The following RNGTT variants were observed in gnomAD, a reference collection of about 807,000 sequenced individuals.
RNGTT encodes the protein mRNA-capping enzyme.
A neutral mutation model predicts 79.3 loss-of-function variants in RNGTT; 33 were observed. The ratio of observed to expected loss-of-function variants is 0.42; its 90% CI spans 0.32 to 0.56. The LOEUF (loss-of-function observed/expected upper bound fraction) is 0.56, where lower values mean the gene tolerates loss of function less well. Among genes scored for constraint, RNGTT ranks in the 20% least tolerant of loss-of-function variants. The pLI is 0.17. For synonymous variants in RNGTT, 222 were observed against 235.9 expected (o/e 0.94, Z 0.54); for missense variants, 497 against 739.1 (o/e 0.67, Z 3.80).
In RNGTT at chr6:88,925,542, G is replaced by A. The variant is rs192430034; in HGVS notation, c.367+3443C>T. Among the ~76,000 whole-genome samples the A allele has an allele frequency of 2.5e-3, 380 of 149,508 alleles. 3 individuals are homozygous for A. The highest frequency in any genetic ancestry group is 0.01 in the Middle Eastern group (3 of 288). On this transcript the variant is annotated intron_variant, in intron 4 of 15. Transcript: ENST00000369485. ...CTGCAGACAGAGGTTGCAGTGAGCC[G>A]AAGTCACACCACTGCACTCTAGCCT...
In RNGTT at chr6:88,666,660, G is replaced by C. The variant is rs191442600; in HGVS notation, c.1506+11693C>G. ...TGGACTAAGTTTATTCTAGCAGACC[G>C]GACCTCCGGGACAAACCTTGGATGT... On this transcript the variant is annotated intron_variant, in intron 14 of 15. Transcript: ENST00000369485. Among the ~76,000 whole-genome samples, 294 of 152,320 alleles carry C rather than the reference G, an allele frequency of 1.9e-3. 4 individuals are homozygous for C. Among genetic ancestry groups the C allele is most frequent in the African/African-American group, 6.9e-3 (288 of 41,566 alleles).
chr6:88,891,975 C>A, intron 6 of RNGTT, 60 bp from the exon 7 acceptor site: 2 of 1,147,402 alleles, frequency 1.7e-6, no homozygotes, highest in South Asian at 1.6e-5. Context: ...AGTTCAAATT[C>A]ATTTACAAAG....
chr6:88,800,459 A>C (rs549095163), intron 12 of RNGTT, among the ~76,000 whole-genome samples: 2 of 152,294 alleles, frequency 1.3e-5, no homozygotes, highest in East Asian at 3.9e-4. Context: ...GACCCCAGGC[A>C]CCCAGTCTGA....
chr6:88,718,315 AGGTGGAGG>A (rs1469454169), intron 13 of RNGTT, among the ~76,000 whole-genome samples: 2 of 151,102 alleles, frequency 1.3e-5, no homozygotes, highest in African/African-American at 4.9e-5. Flanking sequence ...TGAACCCAGG[AGGTGGAGG>A]TTATAGTGAG....
At chr6:88,937,129 G>A (rs1443187435) in intron 2 of RNGTT, among the ~76,000 whole-genome samples, 1 of 152,048 alleles carries the variant, frequency 6.6e-6, no homozygotes, top group African/African-American at 2.4e-5. Context: ...GATCACGTGA[G>A]GTCAGGAGTT....
chr6:88,615,867 C>A (rs866839075), intron 14 of RNGTT, among the ~76,000 whole-genome samples: 1 of 152,244 alleles, frequency 6.6e-6, no homozygotes, highest in Middle Eastern at 3.4e-3. Flanking sequence ...TTTTTAAAAT[C>A]TGTGGTAAAA....
chr6:88,742,815 G>A (rs1433467996), intron 13 of RNGTT, among the ~76,000 whole-genome samples: 1 of 152,178 alleles, frequency 6.6e-6, no homozygotes, highest in African/African-American at 2.4e-5. Context: ...AGCAATTAGA[G>A]AGAAGTTTTC....
intron 14 of RNGTT, among the ~76,000 whole-genome samples, chr6:88,659,317 A>C (rs560763045): frequency 1.3e-5 from 2 of 152,368 alleles, no homozygotes; most frequent in South Asian, 4.1e-4. Flanking sequence ...TGTCTGATAA[A>C]GAATTTAGAA....
chr6:88,869,903 T>G (rs562114572), intron 8 of RNGTT, among the ~76,000 whole-genome samples: 171 of 152,298 alleles, frequency 1.1e-3, no homozygotes, highest in Non-Finnish European at 2.1e-3. Context: ...GCCAGTAGTT[T>G]ACATTCTATC....
At chr6:88,946,705 G>T (rs193244643) in intron 1 of RNGTT, among the ~76,000 whole-genome samples, 3,775 of 151,272 alleles carry the variant, frequency 0.025, 78 homozygotes, top group Non-Finnish European at 0.035. Context: ...CTCATGCGGA[G>T]CCGAAGCTGG....
chr6:88,893,224 T>C (rs1013558017), intron 6 of RNGTT, among the ~76,000 whole-genome samples: 10 of 152,088 alleles, frequency 6.6e-5, no homozygotes, highest in African/African-American at 2.4e-4. Flanking sequence ...CTTAAAAAAT[T>C]GTTTCTTATG....
intron 12 of RNGTT, among the ~76,000 whole-genome samples, chr6:88,778,918 T>C (rs572218723): frequency 1.2e-4 from 18 of 152,306 alleles, no homozygotes; most frequent in African/African-American, 4.3e-4. Flanking sequence ...TTTTCTTCCA[T>C]ATATTTGCCC....
chr6:88,913,222 A>C lies in RNGTT; in HGVS notation c.368-6782T>G, dbSNP rs541715316. Among the ~76,000 whole-genome samples the C allele has an allele frequency of 2.4e-3, 343 of 145,520 alleles. 4 individuals carry two copies. The highest frequency in any genetic ancestry group is 8.2e-3 in the African/African-American group (325 of 39,700). On this transcript the variant is annotated intron_variant, in intron 4 of 15. Transcript: ENST00000369485. ...TCTGTCTCAAAAAAAAACAAAAAAA[A>C]AAAACAAAAAAAAAAAAGCCCTAGA...
rs148532276 is a variant in RNGTT, at chr6:88,670,535, G to A, written c.1506+7818C>T. Reference sequence around the variant, plus strand: ...GAGACCACCTCTCCCATTGTCTCCTGTTTCATGAGAAAGCAAAAAGTTAAA... The same window carrying A: ...GAGACCACCTCTCCCATTGTCTCCTATTTCATGAGAAAGCAAAAAGTTAAA... On this transcript the variant is annotated intron_variant, in intron 14 of 15. Coordinates refer to ENST00000369485, the MANE Select transcript of RNGTT (RefSeq NM_003800.5). 7.6e-3 allele frequency among the ~76,000 whole-genome samples: 1,152 copies of A among 152,204 alleles called. 20 individuals carry two copies. The highest frequency in any genetic ancestry group is 0.026 in the African/African-American group (1,092 of 41,500).
At chr6:88,738,755 A>G (rs1025112364) in intron 13 of RNGTT, among the ~76,000 whole-genome samples, 1 of 152,092 alleles carries the variant, frequency 6.6e-6, no homozygotes, top group African/African-American at 2.4e-5. Flanking sequence ...AGAGGTGTAT[A>G]TGGGAACTTT....
intron 13 of RNGTT, among the ~76,000 whole-genome samples, chr6:88,701,343 T>A (rs942994403): frequency 2.0e-5 from 3 of 152,076 alleles, no homozygotes; most frequent in Non-Finnish European, 4.4e-5. Context: ...AAAGCCAACT[T>A]CTGATAACTA....
chr6:88,762,822 T>C (rs1325032790), intron 13 of RNGTT, among the ~76,000 whole-genome samples: 1 of 152,192 alleles, frequency 6.6e-6, no homozygotes, highest in Non-Finnish European at 1.5e-5. Flanking sequence ...AGAGAGAACC[T>C]GAGTAAAGAG....
chr6:88,743,489 C>T (rs1777562173), intron 13 of RNGTT, among the ~76,000 whole-genome samples: 1 of 152,062 alleles, frequency 6.6e-6, no homozygotes, highest in Non-Finnish European at 1.5e-5. Flanking sequence ...AATGACTTCC[C>T]ATTCCCCACT....
intron 11 of RNGTT, among the ~76,000 whole-genome samples, chr6:88,813,719 T>A (rs1406011240): frequency 6.6e-6 from 1 of 152,200 alleles, no homozygotes; most frequent in African/African-American, 2.4e-5. Flanking sequence ...GCTGCTATTC[T>A]AAACTAGAGT....
Sources: gnomAD v4.1 joint callset for allele counts (sites outside exome capture counted in the v4.1 genomes callset) on GRCh38, gnomAD v4.1.1 for gene constraint, MANE v1.5 for transcripts, NCBI Gene and HGNC (gene_info 2026-07-23, HGNC 2026-07-21) for gene names.